LPXN: variants seen among roughly 807,000 people sequenced by gnomAD.
LPXN encodes leupaxin.
LPXN carries 28 observed loss-of-function variants against 45.6 expected under a neutral mutation model. The ratio of observed to expected loss-of-function variants is 0.61; its 90% confidence interval spans 0.45 to 0.84. The LOEUF (loss-of-function observed/expected upper bound fraction) is 0.84, where lower values mean the gene tolerates loss of function less well. Ranked by LOEUF, LPXN falls within the 40% of genes least tolerant of loss-of-function variation. The pLI is 0.00. For missense variants in LPXN, 459 were observed against 475.0 expected (o/e 0.97, Z 0.31); for synonymous variants, 166 against 169.9 (o/e 0.98, Z 0.18).
At position 58,549,846 on chromosome 11, in the gene LPXN, G is replaced by A. The variant is rs1367466827; in HGVS notation, c.682C>T (p.Gln228Ter). Residue 228 changes from glutamine to a stop codon, truncating the protein, a stop_gained, in exon 7 of 9, where the codon CAG (glutamine) becomes TAG (stop). Transcript: ENST00000395074. LOFTEE classifies it high-confidence loss of function. Reference sequence around the variant, plus strand: ...AAGAAGTGCTCTGGGTGCCAGGTCTGGTTCATTGCTGTCAGCACTTTCTGG... The same window carrying A: ...AAGAAGTGCTCTGGGTGCCAGGTCTAGTTCATTGCTGTCAGCACTTTCTGG... Reference protein sequence around the residue: ...ILDKVLTAMNQTWHPEHFFCS... With the variant: ...ILDKVLTAMN 6.2e-7 allele frequency: 1 copy of A among 1,614,096 alleles called. No homozygotes were observed. The highest frequency in any genetic ancestry group is 1.7e-5 in the Admixed American group (1 of 60,002).
chr11:58,561,054 T>TCAACATTACATTACAATTAA (rs1854359834), intron 3 of LPXN, among the ~76,000 whole-genome samples: 2 of 152,160 alleles, frequency 1.3e-5, no homozygotes, highest in Non-Finnish European at 2.9e-5. Context: ...GGAATCATGT[T>TCAACATTACATTACAATTAA]TGTAATCAAC....
intron 7 of LPXN, among the ~76,000 whole-genome samples, chr11:58,547,983 A>G (rs1853926647): frequency 6.6e-6 from 1 of 152,188 alleles, no homozygotes; most frequent in Admixed American, 6.5e-5. Flanking sequence ...AATTCAGAAA[A>G]CACATGAAAC....
chr11:58,530,297 G>C (rs1273261713), intron 7 of LPXN, among the ~76,000 whole-genome samples: 1 of 152,172 alleles, frequency 6.6e-6, no homozygotes, highest in Non-Finnish European at 1.5e-5. Flanking sequence ...AAGATCCACT[G>C]GCTTGAAATT....
rs748289534 is a variant in LPXN at position 58,527,641 on chromosome 11, C to T, written c.974G>A (p.Arg325Gln). ...CCCACACCCATGGCAGAGCGTTCCC[C>T]GGCGGTGATGGTAATGGAGCTCACA... ...PFCELHYHHR[R>Q]GTLCHGCGQP... Residue 325 changes from arginine to glutamine, a missense_variant, in exon 9 of 9, where the codon CGG becomes CAG. By Grantham distance (43) the Arg-to-Gln change is conservative. Transcript: ENST00000395074. The T allele has an allele frequency of 2.0e-5, 33 of 1,613,964 alleles. No homozygotes were observed. The highest frequency in any genetic ancestry group is 6.7e-5 in the East Asian group (3 of 44,886).
At chr11:58,529,658 T>TA (rs777834608) in intron 7 of LPXN, among the ~76,000 whole-genome samples, 2 of 149,210 alleles carry the variant, frequency 1.3e-5, no homozygotes, top group Non-Finnish European at 3.0e-5. Context: ...CATGAATCCC[T>TA]AAAAAATTGA....
upstream of LPXN, chr11:58,578,222 C>A (rs549847205): frequency 1.6e-5 from 12 of 757,748 alleles, no homozygotes; most frequent in Non-Finnish European, 2.4e-5. Flanking sequence ...CCCGGATGTA[C>A]GGCACGCGTC....
chr11:58,547,820 C>CA (rs1365547426), intron 7 of LPXN, among the ~76,000 whole-genome samples: 1 of 152,094 alleles, frequency 6.6e-6, no homozygotes, highest in African/African-American at 2.4e-5. Flanking sequence ...TCAGAAAAGA[C>CA]AGAGGACTGC....
At chr11:58,578,762 A>AAAGAGGTGC (rs1228435356), upstream of LPXN, among the ~76,000 whole-genome samples, 4 of 151,360 alleles carry the variant, frequency 2.6e-5, no homozygotes, top group African/African-American at 9.7e-5. Context: ...TGAGGCGGGG[A>AAAGAGGTGC]AAGAGGTGCG....
intron 3 of LPXN, among the ~76,000 whole-genome samples, chr11:58,563,789 C>T (rs1854449520): frequency 6.6e-6 from 1 of 152,238 alleles, no homozygotes; most frequent in African/African-American, 2.4e-5. Context: ...CTAGCTCTGA[C>T]ATTGCTAGAA....
chr11:58,556,099 A>G (rs1463053799), intron 3 of LPXN, among the ~76,000 whole-genome samples: 2 of 152,080 alleles, frequency 1.3e-5, no homozygotes, highest in Non-Finnish European at 2.9e-5. Context: ...CAAAGAAAAA[A>G]CGATGTGCAT....
chr11:58,568,986 C>T (rs1379496578), intron 2 of LPXN, among the ~76,000 whole-genome samples: 1 of 152,176 alleles, frequency 6.6e-6, no homozygotes, highest in African/African-American at 2.4e-5. Context: ...GGGCAAAGGG[C>T]AGGAGACCAC....
chr11:58,575,624 G>T, intron 1 of LPXN, 136 bp downstream of exon 1: 1 of 1,010,422 alleles, frequency 9.9e-7, no homozygotes, highest in Non-Finnish European at 1.6e-6. Flanking sequence ...TCTTGGCAGG[G>T]CTGAGGACAG....
chr11:58,562,762 T>C (rs1326054953), intron 3 of LPXN, among the ~76,000 whole-genome samples: 5 of 152,002 alleles, frequency 3.3e-5, no homozygotes, highest in Non-Finnish European at 7.4e-5. Flanking sequence ...GCTGAAGTCA[T>C]AAAGAAGATA....
chr11:58,555,975 TA>T (rs1555007967), intron 3 of LPXN, among the ~76,000 whole-genome samples: 1 of 151,584 alleles, frequency 6.6e-6, no homozygotes, highest in Non-Finnish European at 1.5e-5. Context: ...AAACAAGAAA[TA>T]AAACAAAAAC....
rs1033182216 is a variant in LPXN, at chr11:58,527,458, A to T, written c.1157T>A (p.Leu386Gln). ...GAGGCTATGGATCAGTTGGCATTAC[A>T]GTGGGAAGAGCTTATTGAAGCAAGG... is the stretch of plus-strand genomic sequence containing the variant. ...CQPCFNKLFP[L>Q] The change falls in exon 9 of 9, where the codon CTG becomes CAG. Residue 386 changes from leucine to glutamine, a missense_variant. By Grantham distance (113) the Leu-to-Gln change is moderately radical (BLOSUM62 -2). Coordinates refer to ENST00000395074, the MANE Select transcript of LPXN (RefSeq NM_004811.3). 8 of 1,614,066 alleles carry T rather than the reference A, an allele frequency of 5.0e-6. No individual in the cohort carries two copies. The highest frequency in any genetic ancestry group is 1.3e-5 in the African/African-American group (1 of 74,932).
intron 7 of LPXN, among the ~76,000 whole-genome samples, chr11:58,532,333 C>T (rs776259848): frequency 7.2e-5 from 11 of 152,252 alleles, no homozygotes; most frequent in Admixed American, 1.3e-4. Context: ...TGTGGGCGCA[C>T]GGCACGAGAC....
At chr11:58,567,079 C>G (rs191494352) in intron 2 of LPXN, among the ~76,000 whole-genome samples, 96 of 152,142 alleles carry the variant, frequency 6.3e-4, no homozygotes, top group Non-Finnish European at 1.1e-3. Flanking sequence ...TTTTGACTGA[C>G]AGAATACCGC....
intron 7 of LPXN, among the ~76,000 whole-genome samples, chr11:58,533,768 C>T (rs1853466621): frequency 6.6e-6 from 1 of 151,880 alleles, no homozygotes; most frequent in African/African-American, 2.4e-5. Context: ...GTGCTGTATT[C>T]AGGAGACCCA....
chr11:58,535,449 G>A (rs1853521430), intron 7 of LPXN, among the ~76,000 whole-genome samples: 2 of 152,014 alleles, frequency 1.3e-5, no homozygotes, highest in African/African-American at 2.4e-5. Context: ...TACAGAAAAG[G>A]CCTTTGATAA....
Sources: gnomAD v4.1 joint callset for allele counts (sites outside exome capture counted in the v4.1 genomes callset) on GRCh38, gnomAD v4.1.1 for gene constraint, MANE v1.5 for transcripts, NCBI Gene and HGNC (gene_info 2026-07-23, HGNC 2026-07-21) for gene names.